The following PCDH11Y variants were observed in gnomAD, a reference collection of about 807,000 sequenced individuals.
The protein encoded by PCDH11Y is protocadherin-11 Y-linked.
For synonymous variants in PCDH11Y, 9 were observed against 83.6 expected, an observed-to-expected ratio of 0.11 and a Z score of 4.87; for missense variants, 12 against 224.8, an observed-to-expected ratio of 0.05 and a Z score of 6.05.
chrY:5,081,837 A>G, intron 1 of PCDH11Y, among the ~76,000 whole-genome samples: 1 of 28,876 alleles, frequency 3.5e-5, no homozygotes, highest in East Asian at 8.8e-4. Context: ...GACTTCCTCT[A>G]TTTCTATTTG....
intron 1 of PCDH11Y, among the ~76,000 whole-genome samples, chrY:5,057,699 G>T (rs2052666926): frequency 3.0e-5 from 1 of 33,084 alleles, no homozygotes; most frequent in Non-Finnish European, 7.5e-5. Flanking sequence ...ATCTATAAAG[G>T]GATCAGACAA....
chrY:5,264,117 A>C, intron 2 of PCDH11Y, among the ~76,000 whole-genome samples: 2 of 32,293 alleles, frequency 6.2e-5, no homozygotes, highest in Admixed American at 2.8e-4. Context: ...TTAAAGCCCA[A>C]GGGCTGCTCA....
chrY:5,267,983 A>G, intron 2 of PCDH11Y, among the ~76,000 whole-genome samples: 1 of 35,268 alleles, frequency 2.8e-5, no homozygotes, highest in Non-Finnish European at 7.3e-5. Flanking sequence ...CTGGGTTGTT[A>G]TCCCATAAGG....
chrY:5,498,100 A>G (rs2053347742), intron 2 of PCDH11Y, among the ~76,000 whole-genome samples: 1 of 33,331 alleles, frequency 3.0e-5, no homozygotes, highest in South Asian at 6.9e-4. Flanking sequence ...TCTTAGGAGC[A>G]GTTTAGGGAG....
At chrY:5,055,116 G>T (rs2124627677), upstream of PCDH11Y, among the ~76,000 whole-genome samples, 1 of 33,530 alleles carries the variant, frequency 3.0e-5, no homozygotes, top group Non-Finnish European at 7.4e-5. Context: ...TGTTGCAACA[G>T]ATGCATTTAT....
intron 4 of PCDH11Y, among the ~76,000 whole-genome samples, chrY:5,711,687 G>A: frequency 3.1e-5 from 1 of 32,162 alleles, no homozygotes; most frequent in Non-Finnish European, 7.6e-5. Context: ...GTATTTGGGA[G>A]GCTGAGGCAG....
At chrY:5,427,662 A>G in intron 2 of PCDH11Y, among the ~76,000 whole-genome samples, 1 of 33,613 alleles carries the variant, frequency 3.0e-5, no homozygotes, top group East Asian at 7.9e-4. Flanking sequence ...CATTAAAGAA[A>G]AGATACAACT....
At chrY:5,580,936 G>A in intron 3 of PCDH11Y, among the ~76,000 whole-genome samples, 1 of 32,559 alleles carries the variant, frequency 3.1e-5, no homozygotes, top group Non-Finnish European at 7.6e-5. Context: ...AAATGCAGAT[G>A]TGATCAGGAA....
At chrY:5,535,953 C>G in intron 3 of PCDH11Y, among the ~76,000 whole-genome samples, 1 of 32,078 alleles carries the variant, frequency 3.1e-5, no homozygotes, top group African/African-American at 1.2e-4. Flanking sequence ...GAGACGGAGT[C>G]TCACTCTATT....
chrY:5,113,259 A>T (rs1455180211), intron 2 of PCDH11Y, among the ~76,000 whole-genome samples: 1 of 34,586 alleles, frequency 2.9e-5, no homozygotes, highest in East Asian at 7.5e-4. Context: ...CAGAATTTTT[A>T]TATTGTCATT....
chrY:5,122,269 C>T, intron 2 of PCDH11Y, among the ~76,000 whole-genome samples: 5 of 32,925 alleles, frequency 1.5e-4, no homozygotes, highest in African/African-American at 5.9e-4. Context: ...TCTCGATAGT[C>T]GGGGTCAATT....
At chrY:5,240,862 A>C in intron 2 of PCDH11Y, among the ~76,000 whole-genome samples, 1 of 23,879 alleles carries the variant, frequency 4.2e-5, no homozygotes, top group Non-Finnish European at 9.0e-5. Context: ...CACCAGCTGC[A>C]TTAGGCCCTA....
intron 3 of PCDH11Y, among the ~76,000 whole-genome samples, chrY:5,046,519 G>A (rs2052640194): frequency 2.9e-5 from 1 of 34,093 alleles, no homozygotes; most frequent in Non-Finnish European, 7.3e-5. Context: ...CTTCAAAGCT[G>A]TCAGACAGGG....
intron 1 of PCDH11Y, among the ~76,000 whole-genome samples, chrY:5,008,509 C>G: frequency 6.3e-5 from 2 of 31,717 alleles, no homozygotes; most frequent in African/African-American, 1.2e-4. Flanking sequence ...TTATTAGTGT[C>G]TAGAGAGTGA....
intron 2 of PCDH11Y, among the ~76,000 whole-genome samples, chrY:5,115,110 A>T (rs2052807612): frequency 3.8e-5 from 1 of 26,428 alleles, no homozygotes; most frequent in Non-Finnish European, 8.8e-5. Flanking sequence ...TATAGTCCAT[A>T]TACAAAGGGG....
chrY:5,510,165 A>G, intron 3 of PCDH11Y, among the ~76,000 whole-genome samples: 1 of 20,970 alleles, frequency 4.8e-5, no homozygotes, highest in African/African-American at 1.8e-4. Flanking sequence ...AAAAAAAAAA[A>G]AAAAAAAGTT....
intron 2 of PCDH11Y, among the ~76,000 whole-genome samples, chrY:5,369,277 C>T: frequency 3.1e-5 from 1 of 32,749 alleles, no homozygotes; most frequent in Non-Finnish European, 7.5e-5. Flanking sequence ...ACGTGTTGTG[C>T]GAAGGACCCA....
At chrY:5,357,349 C>G (rs2053169198) in intron 2 of PCDH11Y, among the ~76,000 whole-genome samples, 1 of 26,574 alleles carries the variant, frequency 3.8e-5, no homozygotes, top group Non-Finnish European at 8.6e-5. Context: ...TGAGACCTGG[C>G]CTGCCACAGT....
intron 2 of PCDH11Y, among the ~76,000 whole-genome samples, chrY:5,182,632 C>G: frequency 6.0e-5 from 2 of 33,115 alleles, no homozygotes; most frequent in Non-Finnish European, 7.5e-5. Context: ...GTGGCTGGAG[C>G]CCCCTCAGAG....
Sources: allele counts gnomAD v4.1 joint callset (sites outside exome capture counted in the v4.1 genomes callset), GRCh38; gene constraint gnomAD v4.1.1; transcripts MANE v1.5; gene names NCBI Gene and HGNC (gene_info 2026-07-23, HGNC 2026-07-21).